The following KCNH8 variants were observed in gnomAD, a reference collection of about 807,000 sequenced individuals.
KCNH8 encodes the protein voltage-gated delayed rectifier potassium channel KCNH8.
KCNH8 carries 70 observed loss-of-function variants against 103.6 expected under a neutral mutation model. The observed-to-expected ratio is 0.68, with a 90% CI of 0.56 to 0.82. The LOEUF (loss-of-function observed/expected upper bound fraction) is 0.82. KCNH8 is among the 40% of genes least tolerant of loss of function. KCNH8 has a pLI of 0.00. For synonymous variants in KCNH8, 498 were observed against 489.4 expected, an observed-to-expected ratio of 1.02 and a Z score of -0.23; for missense variants, 1,217 against 1,329.9, an observed-to-expected ratio of 0.92 and a Z score of 1.32.
chr3:19,218,060 G>A (rs1381566220), intron 1 of KCNH8, among the ~76,000 whole-genome samples: 1 of 152,100 alleles, frequency 6.6e-6, no homozygotes, highest in Non-Finnish European at 1.5e-5. Context: ...TGAGACTTCT[G>A]TCATTTTAAA....
intron 11 of KCNH8, among the ~76,000 whole-genome samples, chr3:19,496,716 A>C (rs926883676): frequency 5.3e-5 from 8 of 152,172 alleles, no homozygotes; most frequent in African/African-American, 1.9e-4. Flanking sequence ...AAAATGAGTT[A>C]GGAAGGAGTC....
At chr3:19,308,721 CCT>C (rs199821198) in intron 3 of KCNH8, among the ~76,000 whole-genome samples, 1 of 9,086 alleles carries the variant, frequency 1.1e-4, no homozygotes, top group East Asian at 2.6e-3. Context: ...TCTCTCTCCC[CCT>C]CTCTCCCTCT....
intron 15 of KCNH8, among the ~76,000 whole-genome samples, chr3:19,523,639 C>A (rs1055103474): frequency 2.8e-4 from 42 of 151,904 alleles, no homozygotes; most frequent in African/African-American, 4.8e-5. Flanking sequence ...ATAAAAACAT[C>A]ATTTCTGTCG....
chr3:19,280,878 C>T (rs1182932095), intron 2 of KCNH8, among the ~76,000 whole-genome samples: 1 of 152,016 alleles, frequency 6.6e-6, no homozygotes, highest in Non-Finnish European at 1.5e-5. Flanking sequence ...GGCAATCTCT[C>T]ATAAAGTGGA....
chr3:19,397,113 TAG>T (rs955997241), intron 7 of KCNH8, among the ~76,000 whole-genome samples: 6 of 151,956 alleles, frequency 3.9e-5, no homozygotes, highest in South Asian at 2.1e-4. Context: ...CCACAACATA[TAG>T]AGGTATTTAT....
At chr3:19,230,675 T>C (rs901491536) in intron 1 of KCNH8, among the ~76,000 whole-genome samples, 5 of 151,260 alleles carry the variant, frequency 3.3e-5, no homozygotes, top group Non-Finnish European at 5.9e-5. Flanking sequence ...AGTAACTCTT[T>C]ATGTACTGTA....
chr3:19,308,757 T>C lies in KCNH8; in HGVS notation c.442+27428T>C, dbSNP rs1293986392. Among the ~76,000 whole-genome samples, 11 of 82,652 alleles carry C rather than the reference T, an allele frequency of 1.3e-4. 1 individual carries two copies. Among genetic ancestry groups the C allele is most frequent in the African/African-American group, 4.6e-4 (7 of 15,306 alleles). The allele number at this position is 82,652 out of a possible 152,430, so 54.2% of individuals were successfully genotyped here. A position where few individuals can be genotyped will look rare whatever the true frequency, so the allele number is the denominator to read the frequency against. On this transcript the variant is annotated intron_variant, in intron 3 of 15. Coordinates refer to ENST00000328405, the MANE Select transcript of KCNH8 (RefSeq NM_144633.3). ...CTCTCCCTCTCTCCCTCTCTCCCTC[T>C]CTCCCTCTCTCCCTCCCTCTCTCTC...
At chr3:19,349,393 A>C (rs28520300) in intron 5 of KCNH8, among the ~76,000 whole-genome samples, 1 of 151,752 alleles carries the variant, frequency 6.6e-6, no homozygotes. Flanking sequence ...AATTAGCATC[A>C]TAAAAACACT....
chr3:19,493,401 G>A (rs1231955404), intron 11 of KCNH8, among the ~76,000 whole-genome samples: 1 of 152,094 alleles, frequency 6.6e-6, no homozygotes, highest in Non-Finnish European at 1.5e-5. Flanking sequence ...TCTCCATGCT[G>A]CTCTCGTGAT....
intron 3 of KCNH8, among the ~76,000 whole-genome samples, chr3:19,340,841 C>A (rs1487094295): frequency 6.6e-6 from 1 of 152,120 alleles, no homozygotes; most frequent in Non-Finnish European, 1.5e-5. Flanking sequence ...CAGTGCTTGC[C>A]TTCTTGGAGG....
chr3:19,502,333 A>T (rs1261504986), intron 11 of KCNH8, among the ~76,000 whole-genome samples: 1 of 150,768 alleles, frequency 6.6e-6, no homozygotes, highest in Non-Finnish European at 1.5e-5. Flanking sequence ...ATATTGTGAA[A>T]ATGGCCATAC....
chr3:19,298,897 G>T (rs1026098532), intron 3 of KCNH8, among the ~76,000 whole-genome samples: 4 of 147,190 alleles, frequency 2.7e-5, no homozygotes, highest in African/African-American at 1.0e-4. Context: ...ACTCCGGCCT[G>T]GGCGACCTAG....
chr3:19,234,580 C>G (rs913670419), intron 1 of KCNH8, among the ~76,000 whole-genome samples: 1 of 152,222 alleles, frequency 6.6e-6, no homozygotes, highest in Non-Finnish European at 1.5e-5. Flanking sequence ...CCCGCTGGCC[C>G]GCAAGCACCG....
At chr3:19,343,146 C>T (rs961641862) in intron 4 of KCNH8, among the ~76,000 whole-genome samples, 3 of 151,854 alleles carry the variant, frequency 2.0e-5, no homozygotes, top group Non-Finnish European at 4.4e-5. Flanking sequence ...GGAACATGAC[C>T]AAATCAAAGT....
chr3:19,521,871 G>T (rs962845720), intron 15 of KCNH8, among the ~76,000 whole-genome samples: 1 of 151,838 alleles, frequency 6.6e-6, no homozygotes, highest in Admixed American at 6.6e-5. Flanking sequence ...ACCATTACCT[G>T]ATATTACAAT....
chr3:19,174,773 G>T (rs2063381512), intron 1 of KCNH8, among the ~76,000 whole-genome samples: 1 of 152,114 alleles, frequency 6.6e-6, no homozygotes, highest in African/African-American at 2.4e-5. Flanking sequence ...AGTCTGGAGG[G>T]TTAAAAAGAA....
intron 1 of KCNH8, among the ~76,000 whole-genome samples, chr3:19,179,317 A>C (rs969774403): frequency 2.6e-5 from 4 of 152,174 alleles, no homozygotes. Context: ...ATGCTAAAAA[A>C]CTATGCTGAT....
At chr3:19,310,848 A>C (rs1308371149) in intron 3 of KCNH8, among the ~76,000 whole-genome samples, 1 of 151,918 alleles carries the variant, frequency 6.6e-6, no homozygotes, top group Non-Finnish European at 1.5e-5. Flanking sequence ...AAAAAATACA[A>C]TTTCTAATAA....
chr3:19,297,091 A>C (rs934051339), intron 3 of KCNH8, among the ~76,000 whole-genome samples: 3 of 152,204 alleles, frequency 2.0e-5, no homozygotes, highest in Non-Finnish European at 4.4e-5. Flanking sequence ...GAGAGTATCA[A>C]GCTCTCAAGA....
Sources: gnomAD v4.1 joint callset for allele counts (sites outside exome capture counted in the v4.1 genomes callset) on GRCh38, gnomAD v4.1.1 for gene constraint, MANE v1.5 for transcripts, NCBI Gene and HGNC (gene_info 2026-07-23, HGNC 2026-07-21) for gene names.